Variants in CSMD1 observed in about 807,000 individuals in gnomAD.
CSMD1 encodes CUB and sushi domain-containing protein 1.
A neutral mutation model predicts 417.5 loss-of-function variants in CSMD1; 213 were observed. That is an observed-to-expected ratio of 0.51 (90% CI 0.46 to 0.57). CSMD1 has a LOEUF of 0.57. Ranked by LOEUF, CSMD1 falls within the 20% of genes least tolerant of loss-of-function variation. The pLI, the probability that CSMD1 is intolerant of heterozygous loss-of-function variation, is 0.00. For missense variants in CSMD1, 6,923 were observed against 4,529.7 expected, an observed-to-expected ratio of 1.53 and a Z score of -15.17; for synonymous variants, 2,862 against 1,736.8, an observed-to-expected ratio of 1.65 and a Z score of -16.11.
intron 5 of CSMD1, among the ~76,000 whole-genome samples, chr8:3,930,969 C>T (rs897321813): frequency 8.6e-5 from 13 of 150,684 alleles, no homozygotes; most frequent in Middle Eastern, 3.4e-3. Context: ...TCAGCAAAAA[C>T]GCCCTGTGGA....
chr8:4,260,273 T>A (rs62481960), intron 3 of CSMD1, among the ~76,000 whole-genome samples: 13,236 of 152,248 alleles, frequency 0.087, 744 homozygotes, highest in East Asian at 0.15. Flanking sequence ...GTGAAATTAA[T>A]GTTTGTATTT....
intron 3 of CSMD1, among the ~76,000 whole-genome samples, chr8:4,221,461 G>C (rs775085664): frequency 6.6e-6 from 1 of 151,870 alleles, no homozygotes; most frequent in African/African-American, 2.4e-5. Context: ...TGACTTAGCA[G>C]AATTGATAAA....
intron 5 of CSMD1, among the ~76,000 whole-genome samples, chr8:3,807,413 G>A (rs150143821): frequency 7.9e-5 from 11 of 139,836 alleles, no homozygotes; most frequent in African/African-American, 1.2e-4. Context: ...TTCAGCAGAG[G>A]ATGTTTTCTC....
At chr8:4,799,568 C>T (rs1446778578) in intron 1 of CSMD1, among the ~76,000 whole-genome samples, 2 of 113,392 alleles carry the variant, frequency 1.8e-5, no homozygotes, top group Non-Finnish European at 3.3e-5. Context: ...CACTGCACTG[C>T]AGCCTGTGTG....
chr8:3,581,498 C>G (rs1233941136), intron 9 of CSMD1, among the ~76,000 whole-genome samples: 2 of 152,214 alleles, frequency 1.3e-5, no homozygotes, highest in Non-Finnish European at 2.9e-5. Flanking sequence ...GGAAGGATCA[C>G]TTCTGACTCA....
chr8:3,697,016 G>A (rs533272442), intron 7 of CSMD1, among the ~76,000 whole-genome samples: 1 of 152,126 alleles, frequency 6.6e-6, no homozygotes, highest in Non-Finnish European at 1.5e-5. Context: ...GGGTTCTGGT[G>A]AATGTGGTCA....
At chr8:3,993,182 G>C (rs141635995) in intron 5 of CSMD1, among the ~76,000 whole-genome samples, 5 of 152,196 alleles carry the variant, frequency 3.3e-5, no homozygotes, top group African/African-American at 1.2e-4. Context: ...AGGAAGCTAG[G>C]TTTAGGATAT....
Position 4,474,031 on chromosome 8 carries a change from T to C in CSMD1, c.303-53966A>G, listed in dbSNP as rs1031039943. Among the ~76,000 whole-genome samples, 5 of 152,222 alleles carry C rather than the reference T, an allele frequency of 3.3e-5. No homozygotes were observed. In the South Asian group the frequency reaches 6.2e-4, roughly 19 times the overall value. On this transcript the variant is annotated intron_variant, in intron 2 of 69. Coordinates refer to ENST00000635120, the MANE Select transcript of CSMD1 (RefSeq NM_033225.6). ...AAGACCCAATCCATTAAATAAGAGA[T>C]ACTATCAAAGAAATAAAAGCAAATA...
intron 3 of CSMD1, among the ~76,000 whole-genome samples, chr8:4,190,067 G>T (rs528323151): frequency 6.6e-6 from 1 of 151,802 alleles, no homozygotes; most frequent in East Asian, 1.9e-4. Context: ...GACCATCCTG[G>T]CTAACATGGT....
chr8:3,196,168 C>A (rs1796691734), intron 33 of CSMD1, among the ~76,000 whole-genome samples: 1 of 152,112 alleles, frequency 6.6e-6, no homozygotes, highest in South Asian at 2.1e-4. Flanking sequence ...AATGTATTAG[C>A]ATGCTAAAAG....
chr8:3,358,931 A>G (rs1222194799), intron 21 of CSMD1, among the ~76,000 whole-genome samples: 1 of 152,112 alleles, frequency 6.6e-6, no homozygotes, highest in African/African-American at 2.4e-5. Context: ...TTCAATCATA[A>G]AATTTCAGAG....
Position 4,876,248 on chromosome 8 carries a change from T to C in CSMD1, c.85+118084A>G, listed in dbSNP as rs952897308. Among the ~76,000 whole-genome samples, 5 of 152,198 alleles carry C rather than the reference T, an allele frequency of 3.3e-5. No homozygotes were observed. In the South Asian group the frequency reaches 1.0e-3, roughly 32 times the overall value. ...CTTTCAGTAATCTGCTACTGTGGTA[T>C]AATATTACCCTCCATGACAATTCAT... On this transcript the variant is annotated intron_variant, in intron 1 of 69. Transcript: ENST00000635120.
chr8:3,674,331 A>G (rs1487581519), intron 7 of CSMD1, among the ~76,000 whole-genome samples: 1 of 152,182 alleles, frequency 6.6e-6, no homozygotes, highest in African/African-American at 2.4e-5. Flanking sequence ...ACCATGTAAA[A>G]TATCCTATAA....
intron 3 of CSMD1, among the ~76,000 whole-genome samples, chr8:4,161,987 A>T (rs953767110): frequency 5.3e-5 from 8 of 152,188 alleles, no homozygotes; most frequent in Non-Finnish European, 1.0e-4. Context: ...TTATGGTGGC[A>T]TTGTGCCTTT....
chr8:4,958,437 A>T (rs529492799), intron 1 of CSMD1, among the ~76,000 whole-genome samples: 18 of 152,196 alleles, frequency 1.2e-4, no homozygotes, highest in Non-Finnish European at 2.2e-4. Context: ...AAGGTAGATG[A>T]AGGTTAAAAG....
rs142502722 is a variant in CSMD1, at chr8:4,674,258, G to A, written c.86-36700C>T. 2.7e-3 allele frequency among the ~76,000 whole-genome samples: 406 copies of A among 152,278 alleles called. 5 individuals carry two copies. The highest frequency in any genetic ancestry group is 8.7e-3 in the African/African-American group (363 of 41,558). ...CTAGTGGTCCTGAGTTGAAAAAAGC[G>A]GGAGGTTATGTTGAGTCTGGCATGT... On this transcript the variant is annotated intron_variant, in intron 1 of 69. Coordinates refer to ENST00000635120, the MANE Select transcript of CSMD1 (RefSeq NM_033225.6).
chr8:4,756,840 A>G (rs1372918712), intron 1 of CSMD1, among the ~76,000 whole-genome samples: 2 of 152,220 alleles, frequency 1.3e-5, no homozygotes, highest in African/African-American at 4.8e-5. Flanking sequence ...GGTATAACAC[A>G]GTGACTGAAA....
At chr8:4,738,660 T>A (rs1308132193) in intron 1 of CSMD1, among the ~76,000 whole-genome samples, 1 of 152,142 alleles carries the variant, frequency 6.6e-6, no homozygotes, top group Non-Finnish European at 1.5e-5. Flanking sequence ...TTTCTGTCAT[T>A]TTTTGACAAA....
At chr8:3,392,260 A>G (rs1483475183) in intron 17 of CSMD1, among the ~76,000 whole-genome samples, 2 of 152,166 alleles carry the variant, frequency 1.3e-5, no homozygotes, top group Non-Finnish European at 2.9e-5. Flanking sequence ...TATAATAAAA[A>G]AATAAAATAA....
Sources: allele counts gnomAD v4.1 joint callset (sites outside exome capture counted in the v4.1 genomes callset), GRCh38; gene constraint gnomAD v4.1.1; transcripts MANE v1.5; gene names NCBI Gene and HGNC (gene_info 2026-07-23, HGNC 2026-07-21).